The following LIMS1 variants were observed in gnomAD, a reference collection of about 807,000 sequenced individuals.
LIMS1 encodes LIM and senescent cell antigen-like-containing domain protein 1.
A neutral mutation model predicts 44.1 loss-of-function variants in LIMS1; 18 were observed. The observed-to-expected ratio is 0.41, with a 90% confidence interval of 0.28 to 0.61. LIMS1 has a LOEUF of 0.61. Among genes scored for constraint, LIMS1 ranks in the 20% least tolerant of loss-of-function variants. LIMS1 has a pLI of 0.32. For missense variants in LIMS1, 201 were observed against 422.0 expected (o/e 0.48, Z 4.59); for synonymous variants, 93 against 149.1 (o/e 0.62, Z 2.74).
At chr2:108,642,339 TTTG>T (rs1558823924) in intron 1 of LIMS1, among the ~76,000 whole-genome samples, 2 of 20,724 alleles carry the variant, frequency 9.7e-5, no homozygotes, top group Non-Finnish European at 1.8e-4. Context: ...ACTAGTGTTT[TTTG>T]TTTTTTTTTT....
chr2:108,662,400 C>T (rs1362910896), intron 2 of LIMS1: 1 of 1,544,150 alleles, frequency 6.5e-7, no homozygotes, highest in African/African-American at 1.4e-5. Context: ...TCGTCCTGCC[C>T]ACCCCTCACA....
chr2:108,584,090 A>G (rs936731248), intron 1 of LIMS1, among the ~76,000 whole-genome samples: 1 of 152,212 alleles, frequency 6.6e-6, no homozygotes, highest in Non-Finnish European at 1.5e-5. Context: ...TTCCCAGACC[A>G]TAGCTGGAGA....
chr2:108,583,632 TA>T (rs1487872776), intron 1 of LIMS1, among the ~76,000 whole-genome samples: 3 of 151,878 alleles, frequency 2.0e-5, no homozygotes, highest in Non-Finnish European at 2.9e-5. Context: ...ATTTTTTAAA[TA>T]AAGATCTATG....
chr2:108,535,399 A>T (rs923134714), intron 1 of LIMS1, among the ~76,000 whole-genome samples: 1 of 152,232 alleles, frequency 6.6e-6, no homozygotes, highest in Non-Finnish European at 1.5e-5. Flanking sequence ...CTTTTCACAC[A>T]GTTTCGTTAA....
chr2:108,570,152 C>T (rs887826875), intron 1 of LIMS1, among the ~76,000 whole-genome samples: 2 of 151,882 alleles, frequency 1.3e-5, no homozygotes, highest in Admixed American at 6.6e-5. Context: ...AATACTAGGC[C>T]GGGAATGGTG....
At chr2:108,626,452 T>C (rs1017559905) in intron 1 of LIMS1, among the ~76,000 whole-genome samples, 1 of 152,200 alleles carries the variant, frequency 6.6e-6, no homozygotes, top group African/African-American at 2.4e-5. Flanking sequence ...TAGTGCTTAC[T>C]CCTATATGTT....
chr2:108,601,397 G>A (rs1687008322), intron 1 of LIMS1, among the ~76,000 whole-genome samples: 1 of 152,148 alleles, frequency 6.6e-6, no homozygotes, highest in South Asian at 2.1e-4. Flanking sequence ...GACTCTAGCT[G>A]TTTTCGTAAC....
intron 1 of LIMS1, among the ~76,000 whole-genome samples, chr2:108,560,178 T>C (rs1046756584): frequency 1.3e-5 from 2 of 152,170 alleles, no homozygotes; most frequent in African/African-American, 4.8e-5. Context: ...AACTGGACTG[T>C]TTTATTAGCT....
chr2:108,681,214 C>T, intron 9 of LIMS1: 1 of 1,252,438 alleles, frequency 8.0e-7, no homozygotes, highest in Non-Finnish European at 1.0e-6. Flanking sequence ...CTTTCTTCCC[C>T]CCCTGCAACT....
At chr2:108,623,458 ACT>A (rs141275893) in intron 1 of LIMS1, among the ~76,000 whole-genome samples, 2,733 of 152,214 alleles carry the variant, frequency 0.018, 45 homozygotes, top group African/African-American at 0.039. Flanking sequence ...AACATTATTT[ACT>A]CTCTCACAGA....
chr2:108,682,099 T>A (rs1336382890), intron 9 of LIMS1, among the ~76,000 whole-genome samples: 1 of 152,244 alleles, frequency 6.6e-6, no homozygotes, highest in Non-Finnish European at 1.5e-5. Flanking sequence ...TTCTTTTGAA[T>A]TACCAGCATG....
chr2:108,645,832 A>C (rs1006268836), intron 1 of LIMS1, among the ~76,000 whole-genome samples: 11 of 152,088 alleles, frequency 7.2e-5, no homozygotes, highest in South Asian at 2.1e-4. Context: ...AAAAAAAAAA[A>C]AACCCAGGAG....
At chr2:108,576,279 T>G (rs1024478377) in intron 1 of LIMS1, among the ~76,000 whole-genome samples, 1 of 152,218 alleles carries the variant, frequency 6.6e-6, no homozygotes, top group African/African-American at 2.4e-5. Context: ...TGTTTTGTTT[T>G]GTTTTGTTTT....
At chr2:108,684,058 A>G (rs1199961643) in exon 10 of LIMS1, 29 of 831,824 alleles carry the variant, frequency 3.5e-5, no homozygotes, top group Non-Finnish European at 5.5e-5. Context: ...ACTTGTCTTG[A>G]TCTACCCATA....
At chr2:108,613,107 A>G (rs1289629435) in intron 1 of LIMS1, among the ~76,000 whole-genome samples, 1 of 152,228 alleles carries the variant, frequency 6.6e-6, no homozygotes, top group Non-Finnish European at 1.5e-5. Context: ...GTAAATGGGT[A>G]TAATCACAAT....
At chr2:108,544,289 G>C (rs1212309003) in intron 1 of LIMS1, among the ~76,000 whole-genome samples, 1 of 152,120 alleles carries the variant, frequency 6.6e-6, no homozygotes, top group African/African-American at 2.4e-5. Context: ...GGAGAACAGT[G>C]CTCTCAAAAC....
chr2:108,675,018 G>A (rs943176614), intron 5 of LIMS1, among the ~76,000 whole-genome samples: 1 of 151,786 alleles, frequency 6.6e-6, no homozygotes, highest in African/African-American at 2.4e-5. Context: ...GAAAATTCTG[G>A]GCATTTTGTT....
chr2:108,646,585 G>A (rs113198478), intron 1 of LIMS1, among the ~76,000 whole-genome samples: 26 of 152,314 alleles, frequency 1.7e-4, no homozygotes, highest in African/African-American at 5.1e-4. Context: ...AGAAGCAAGA[G>A]CAAACAAATT....
At chr2:108,560,151 G>A (rs1280009269) in intron 1 of LIMS1, among the ~76,000 whole-genome samples, 5 of 151,276 alleles carry the variant, frequency 3.3e-5, no homozygotes, top group Admixed American at 3.3e-4. Flanking sequence ...TGGATGATGA[G>A]GTTGCTGTCA....
Sources: allele counts gnomAD v4.1 joint callset (sites outside exome capture counted in the v4.1 genomes callset), GRCh38; gene constraint gnomAD v4.1.1; transcripts MANE v1.5; gene names NCBI Gene and HGNC (gene_info 2026-07-23, HGNC 2026-07-21).